Variants in NUMA1 observed in about 807,000 individuals in gnomAD.
NUMA1 encodes nuclear mitotic apparatus protein 1.
A neutral mutation model predicts 237.1 loss-of-function variants in NUMA1; 62 were observed. The observed-to-expected ratio is 0.26, with a 90% CI of 0.21 to 0.32. The LOEUF is 0.32. Among genes scored for constraint, NUMA1 ranks in the 10% least tolerant of loss-of-function variants. The pLI is 1.00. For missense variants in NUMA1, 2,533 were observed against 2,666.5 expected (o/e 0.95, Z 1.10); for synonymous variants, 1,028 against 1,066.1 (o/e 0.96, Z 0.70).
In NUMA1 at chr11:72,015,063, G is replaced by A; in HGVS notation, c.2440C>T (p.Arg814Cys). 4 of 1,613,978 alleles carry A rather than the reference G, an allele frequency of 2.5e-6. No individual in the cohort carries two copies. Among genetic ancestry groups the A allele is most frequent in the South Asian group, 1.1e-5 (1 of 91,086 alleles). The change falls in exon 15 of 27, where the codon CGT becomes TGT. Residue 814 changes from arginine (R) to cysteine (C), a missense_variant. Coordinates refer to ENST00000393695, the MANE Select transcript of NUMA1 (RefSeq NM_006185.4). This position sits in a 1 kb window ranked among gnomAD's most constrained non-coding sequence, Gnocchi z 4.0. ...EQLVKEVAAW[R>C]ERYEDSQQEE... ...TGCTGGCTATCCTCATACCGCTCAC[G>A]CCAGGCAGCTACTTCTTTGACGAGC...
At chr11:72,006,399 G>T (rs957942597) in intron 21 of NUMA1, 136 bp from the exon 22 acceptor site, 3 of 685,290 alleles carry the variant, frequency 4.4e-6, no homozygotes, top group Admixed American at 2.9e-5. Flanking sequence ...CTTAAAGTGT[G>T]TGTCTGCAAG....
Position 72,080,455 on chromosome 11 carries a change from T to C in NUMA1, c.-103+3A>G, listed in dbSNP as rs1432886581. 1 of 151,690 alleles carries C rather than the reference T, an allele frequency of 6.6e-6. No homozygotes were observed. The highest frequency in any genetic ancestry group is 1.5e-5 in the Non-Finnish European group (1 of 67,908). 9.4% of individuals were successfully genotyped at this position (151,690 alleles called of 1,614,324 possible). A position where few individuals can be genotyped will look rare whatever the true frequency, so the allele number is the denominator to read the frequency against. On this transcript the variant is annotated splice_donor_region_variant and intron_variant, in intron 1 of 26. Transcript: ENST00000393695. Reference sequence around the variant, plus strand: ...ACGCCAAACGCGGGCCCGCGCCGGTTACCTGGCTGCGCGCTCCCGCTCTGC... The same window carrying C: ...ACGCCAAACGCGGGCCCGCGCCGGTCACCTGGCTGCGCGCTCCCGCTCTGC...
rs958490405 is a variant in NUMA1 at position 72,009,164 on chromosome 11, A to C, written c.4861T>G (p.Tyr1621Asp). 1.5e-6 allele frequency: 2 copies of C among 1,318,544 alleles called. No individual in the cohort carries two copies. Among genetic ancestry groups the C allele is most frequent in the East Asian group, 5.0e-5 (1 of 20,094 alleles). 81.7% of individuals were successfully genotyped at this position (1,318,544 alleles called of 1,614,324 possible). Reference sequence around the variant, plus strand: ...TGGTTCTGCTGCTTCTTGGCATCATAATGTGTTTTGGCTTTCTCCATCTGT... The same window carrying C: ...TGGTTCTGCTGCTTCTTGGCATCATCATGTGTTTTGGCTTTCTCCATCTGT... ...KLQMEKAKTH[Y>D]DAKKQQNQEL... is the part of the protein sequence containing the mutation. Residue 1621 changes from tyrosine to aspartate, a missense_variant, in exon 19 of 27, where the codon TAT (tyrosine) becomes GAT (aspartate). Physicochemically the swap from Tyr to Asp is radical, Grantham distance 160. Transcript: ENST00000393695.
chr11:72,026,795 T>A (rs1939647251), intron 4 of NUMA1, among the ~76,000 whole-genome samples: 1 of 152,208 alleles, frequency 6.6e-6, no homozygotes, highest in Admixed American at 6.5e-5. Context: ...CTGATTTAGG[T>A]TGGCACCAGT....
chr11:72,017,336 G>A lies in NUMA1; in HGVS notation c.1119+351C>T, dbSNP rs1413421257. On this transcript the variant is annotated intron_variant, in intron 13 of 26. Coordinates refer to ENST00000393695, the MANE Select transcript of NUMA1 (RefSeq NM_006185.4). ...ACGATGTGTGAAGTGCTTTACATAC[G>A]TTTTCTCATAATAGGTGATGAGGCA... The A allele has an allele frequency of 1.5e-5, 5 of 342,592 alleles. No homozygotes were observed. The East Asian group carries it at 2.0e-4, about 14-fold the overall frequency. The allele number at this position is 342,592 out of a possible 1,614,324, so 21.2% of individuals were successfully genotyped here.
intron 4 of NUMA1, among the ~76,000 whole-genome samples, chr11:72,025,083 A>C (rs1939388256): frequency 6.6e-6 from 1 of 152,094 alleles, no homozygotes; most frequent in African/African-American, 2.4e-5. Context: ...TTTTTAGTAG[A>C]GATGGGGTTT....
At chr11:72,007,671 C>T (rs994910039) in intron 20 of NUMA1, 2 of 567,398 alleles carry the variant, frequency 3.5e-6, no homozygotes, top group East Asian at 3.2e-5. Flanking sequence ...CCCAGATGTC[C>T]CATCCCCACC....
chr11:72,062,316 AT>A (rs1205827807), intron 2 of NUMA1, among the ~76,000 whole-genome samples: 1 of 151,850 alleles, frequency 6.6e-6, no homozygotes, highest in Non-Finnish European at 1.5e-5. Context: ...TCTCTCCCAA[AT>A]TTTGGTTTTA....
At chr11:72,033,877 AT>A (rs199615294) in intron 3 of NUMA1, among the ~76,000 whole-genome samples, 3 of 151,832 alleles carry the variant, frequency 2.0e-5, no homozygotes, top group East Asian at 1.9e-4. Context: ...AAAACATTGT[AT>A]TTTTTTTGAG....
At chr11:72,050,296 C>T (rs1565275782) in intron 2 of NUMA1, among the ~76,000 whole-genome samples, 1 of 152,216 alleles carries the variant, frequency 6.6e-6, no homozygotes, top group Non-Finnish European at 1.5e-5. Flanking sequence ...CCCTGTCCTA[C>T]ACAGCACTGA....
intron 2 of NUMA1, among the ~76,000 whole-genome samples, chr11:72,061,493 T>TTTC (rs1565287617): frequency 6.9e-6 from 1 of 144,202 alleles, no homozygotes. Flanking sequence ...TTCTTTTTTT[T>TTTC]TTTTTTTTTT....
chr11:72,041,766 T>C (rs1941684466), intron 2 of NUMA1: 3 of 152,692 alleles, frequency 2.0e-5, no homozygotes, highest in African/African-American at 7.2e-5. Flanking sequence ...CCTGCCCTGC[T>C]CTGGGACACG....
chr11:72,020,195 T>A (rs1406916539), intron 8 of NUMA1: 1 of 152,496 alleles, frequency 6.6e-6, no homozygotes, highest in East Asian at 1.9e-4. Context: ...AGAGATCTGA[T>A]GGGGCCTCTT....
chr11:72,004,127 G>A, intron 25 of NUMA1, 28 bp from the exon 26 acceptor site: 1 of 1,612,122 alleles, frequency 6.2e-7, no homozygotes, highest in South Asian at 1.1e-5. Context: ...CAGACCGGGA[G>A]ACCCAATGCT....
At chr11:72,073,645 A>G (rs537837523) in intron 1 of NUMA1, among the ~76,000 whole-genome samples, 5 of 152,338 alleles carry the variant, frequency 3.3e-5, no homozygotes, top group African/African-American at 9.6e-5. Context: ...TGAGTCCACT[A>G]TAAGAATACA....
In NUMA1 at chr11:72,070,441, T is replaced by C. The variant is rs139817554; in HGVS notation, c.-102-530A>G. Among the ~76,000 whole-genome samples the C allele has an allele frequency of 4.9e-4, 75 of 152,316 alleles. 2 individuals carry two copies. The East Asian group carries it at 0.013, about 26-fold the overall frequency. On this transcript the variant is annotated intron_variant, in intron 1 of 26. Coordinates refer to ENST00000393695, the MANE Select transcript of NUMA1 (RefSeq NM_006185.4). The stretch of plus-strand genomic sequence containing the variant: ...TTCTCTCTGCGTGAGCCAAGCCTTT[T>C]CTCATTTCCCTGCTTTCAATTATCC...
intron 4 of NUMA1, among the ~76,000 whole-genome samples, chr11:72,027,142 A>C (rs1028382761): frequency 6.6e-6 from 1 of 152,212 alleles, no homozygotes; most frequent in African/African-American, 2.4e-5. Context: ...TTCTCTCTTC[A>C]AAAGCAAAAG....
intron 8 of NUMA1, chr11:72,020,900 A>T (rs182855952): frequency 8.2e-5 from 20 of 244,156 alleles, no homozygotes; most frequent in Non-Finnish European, 1.3e-4. Flanking sequence ...AAATAAAAAG[A>T]CTGTATTCTC....
intron 3 of NUMA1, among the ~76,000 whole-genome samples, chr11:72,034,312 A>T (rs1326045996): frequency 6.6e-6 from 1 of 152,140 alleles, no homozygotes; most frequent in Non-Finnish European, 1.5e-5. Flanking sequence ...GTATCTCATT[A>T]TCCTTGTAAT....
Sources: allele counts gnomAD v4.1 joint callset (sites outside exome capture counted in the v4.1 genomes callset), GRCh38; gene constraint gnomAD v4.1.1; non-coding constraint Gnocchi (gnomAD v3.1); transcripts MANE v1.5; gene names NCBI Gene and HGNC (gene_info 2026-07-23, HGNC 2026-07-21).